SLC26A11: variants seen among roughly 807,000 people sequenced by gnomAD.
SLC26A11 encodes the protein sodium-independent sulfate anion transporter.
Under a neutral mutation model 62.2 loss-of-function variants are expected in SLC26A11, and 58 were observed. That is an observed-to-expected ratio of 0.93 (90% confidence interval 0.76 to 1.16). The LOEUF (loss-of-function observed/expected upper bound fraction) is 1.16, where lower values mean the gene tolerates loss of function less well. SLC26A11 is among the 50% of genes most tolerant of loss of function. The probability of loss-of-function intolerance (pLI) is 0.00; values close to 1 mark genes in which losing one functional copy is unlikely to be tolerated. For synonymous variants in SLC26A11, 411 were observed against 368.9 expected, an observed-to-expected ratio of 1.11 and a Z score of -1.31; for missense variants, 790 against 794.3, an observed-to-expected ratio of 0.99 and a Z score of 0.06.
chr17:80,251,973 C>T (rs1247490241), intron 17 of SLC26A11, among the ~76,000 whole-genome samples: 1 of 152,016 alleles, frequency 6.6e-6, no homozygotes, highest in African/African-American at 2.4e-5. Context: ...TCCTTCCAGC[C>T]GAAAGTCCAC....
At position 80,222,559 on chromosome 17, in the gene SLC26A11, G is replaced by C; in HGVS notation, c.235-96G>C. ...CACCTTTAACCTGGGCCTGGACACA[G>C]CTGACACCCACACATCCCGAGCTTG... On this transcript the variant is annotated intron_variant, in intron 3 of 17. Transcript: ENST00000361193. The surrounding 1 kb of genome is among the most constrained non-coding windows in gnomAD (Gnocchi z 4.7). 1 of 1,312,706 alleles carries C rather than the reference G, an allele frequency of 7.6e-7. No individual in the cohort carries two copies. The highest frequency in any genetic ancestry group is 1.1e-6 in the Non-Finnish European group (1 of 930,304). The allele number at this position is 1,312,706 out of a possible 1,614,324, so 81.3% of individuals were successfully genotyped here.
chr17:80,248,677 G>T lies in SLC26A11; in HGVS notation c.1522+3G>T. On this transcript the variant is annotated splice_donor_region_variant and intron_variant, in intron 15 of 17. Coordinates refer to ENST00000361193, the MANE Select transcript of SLC26A11 (RefSeq NM_001166347.2). Reference sequence around the variant, plus strand: ...GATCCTAAGCCGGGCCCTGGAAGGTGCATGGGCGGGGGTCAAGGTGGTCTG... The same window carrying T: ...GATCCTAAGCCGGGCCCTGGAAGGTTCATGGGCGGGGGTCAAGGTGGTCTG... The T allele has an allele frequency of 1.9e-6, 3 of 1,564,078 alleles. No homozygotes were observed. Among genetic ancestry groups the T allele is most frequent in the Non-Finnish European group, 1.7e-6 (2 of 1,154,118 alleles).
Position 80,248,117 on chromosome 17 carries a change from G to A in SLC26A11, c.1295-13G>A, listed in dbSNP as rs1567967547. ...CAGCTGCCGGGCATTCCTCAGCTGTGCCCTTCTCCTAGGGCTGGACCTGCT... is the reference window on the plus strand; with the variant it reads ...CAGCTGCCGGGCATTCCTCAGCTGTACCCTTCTCCTAGGGCTGGACCTGCT... On this transcript the variant is annotated splice_polypyrimidine_tract_variant and intron_variant, in intron 13 of 17. Coordinates refer to ENST00000361193, the MANE Select transcript of SLC26A11 (RefSeq NM_001166347.2). 5.0e-6 allele frequency: 8 copies of A among 1,597,848 alleles called. No individual in the cohort carries two copies. The highest frequency in any genetic ancestry group is 3.3e-5 in the South Asian group (3 of 90,454).
In SLC26A11 at chr17:80,221,598, C is replaced by T. The variant is rs561639116; in HGVS notation, c.38C>T (p.Ser13Phe). The change falls in exon 3 of 18, where the codon TCC becomes TTC. Residue 13 changes from serine to phenylalanine, a missense_variant. Coordinates refer to ENST00000361193, the MANE Select transcript of SLC26A11 (RefSeq NM_001166347.2). ...GTGACGGCGCTGGGTCAGGCCAGGT[C>T]CTCTGGCCCCGGGATGGCCCCGAGC... ...SSVTALGQAR[S>F]SGPGMAPSAC... 5 of 1,606,116 alleles carry T rather than the reference C, an allele frequency of 3.1e-6. No individual in the cohort carries two copies. The East Asian group carries it at 6.7e-5, about 21-fold the overall frequency.
chr17:80,247,081 AT>A (rs1213831105), intron 13 of SLC26A11, among the ~76,000 whole-genome samples: 61 of 144,114 alleles, frequency 4.2e-4, no homozygotes, highest in South Asian at 2.2e-3. Context: ...TATTATTTTT[AT>A]TTTTTTTTAT....
chr17:80,224,268 T>A (rs1389777552), intron 5 of SLC26A11, among the ~76,000 whole-genome samples: 2 of 128,546 alleles, frequency 1.6e-5, no homozygotes, highest in African/African-American at 2.8e-5. Context: ...TGTGTGCGTG[T>A]GTGAGTGAGT....
intron 13 of SLC26A11, among the ~76,000 whole-genome samples, chr17:80,247,033 C>A (rs1489473687): frequency 2.0e-5 from 3 of 151,966 alleles, no homozygotes; most frequent in Non-Finnish European, 4.4e-5. Context: ...CAGCCTTGCA[C>A]CCTGGCTCAG....
intron 10 of SLC26A11, among the ~76,000 whole-genome samples, chr17:80,244,387 G>A (rs2042941402): frequency 6.6e-6 from 1 of 152,228 alleles, no homozygotes; most frequent in East Asian, 1.9e-4. Context: ...ACTGGGTGGA[G>A]AACGGTGGGC....
At chr17:80,230,315 G>A (rs554217409) in intron 7 of SLC26A11, among the ~76,000 whole-genome samples, 16 of 152,102 alleles carry the variant, frequency 1.1e-4, no homozygotes, top group Non-Finnish European at 1.5e-4. Context: ...GGGAGACAGC[G>A]AAAGGCTCAG....
chr17:80,248,052 G>A lies in SLC26A11; in HGVS notation c.1295-78G>A. On this transcript the variant is annotated intron_variant, in intron 13 of 17. Coordinates refer to ENST00000361193, the MANE Select transcript of SLC26A11 (RefSeq NM_001166347.2). Reference sequence around the variant, plus strand: ...TTTACTCATATGTGGGGGGCAGAAAGCTGTCCCGCTGGTCAGCAGGGCCAT... The same window carrying A: ...TTTACTCATATGTGGGGGGCAGAAAACTGTCCCGCTGGTCAGCAGGGCCAT... 5.5e-6 allele frequency: 8 copies of A among 1,463,342 alleles called. No individual in the cohort carries two copies. In the South Asian group the frequency reaches 9.7e-5, roughly 18 times the overall value. The allele number at this position is 1,463,342 out of a possible 1,614,324, so 90.6% of individuals were successfully genotyped here.
intron 11 of SLC26A11, among the ~76,000 whole-genome samples, chr17:80,245,828 C>T (rs1243138307): frequency 2.0e-5 from 3 of 152,194 alleles, no homozygotes; most frequent in Non-Finnish European, 2.9e-5. Flanking sequence ...AAGGAGGCGT[C>T]ACCTGGCACT....
At chr17:80,225,682 G>A in intron 5 of SLC26A11, 155 bp from the exon 6 acceptor site, 1 of 667,654 alleles carries the variant, frequency 1.5e-6, no homozygotes, top group Non-Finnish European at 2.6e-6. Context: ...TGGGCAGGTG[G>A]ACCCCTGAGC....
chr17:80,222,508 A>T lies in SLC26A11; in HGVS notation c.235-147A>T. 1.3e-6 allele frequency: 1 copy of T among 780,450 alleles called. No individual in the cohort carries two copies. Among genetic ancestry groups the T allele is most frequent in the East Asian group, 2.6e-5 (1 of 37,972 alleles). 48.3% of individuals were successfully genotyped at this position (780,450 alleles called of 1,614,324 possible). A position where few individuals can be genotyped will look rare whatever the true frequency, so the allele number is the denominator to read the frequency against. On this transcript the variant is annotated intron_variant, in intron 3 of 17. Coordinates refer to ENST00000361193, the MANE Select transcript of SLC26A11 (RefSeq NM_001166347.2). This position sits in a 1 kb window ranked among gnomAD's most constrained non-coding sequence, Gnocchi z 4.7. ...AAAAAAGTGGCCTCCTGATCACTGC[A>T]GGTCCACCCACAGGGCAGGGCGGTG...
chr17:80,239,761 C>T (rs2042807754), intron 9 of SLC26A11, among the ~76,000 whole-genome samples: 3 of 152,140 alleles, frequency 2.0e-5, no homozygotes, highest in Admixed American at 1.3e-4. Flanking sequence ...CCTCCTGCCT[C>T]GGCTTTCAAA....
intron 10 of SLC26A11, 70 bp from the exon 11 acceptor site, chr17:80,245,126 C>A: frequency 6.8e-7 from 1 of 1,468,108 alleles, no homozygotes; most frequent in Non-Finnish European, 9.5e-7. Flanking sequence ...TTTTGTCCCC[C>A]TCCCCATCTC....
At chr17:80,225,789 C>T (rs766808452) in intron 5 of SLC26A11, 48 bp from the exon 6 acceptor site, 1 of 1,554,080 alleles carries the variant, frequency 6.4e-7, no homozygotes, top group South Asian at 1.1e-5. Context: ...GACAGATGGC[C>T]TTGGTTTGGG....
Position 80,227,819 on chromosome 17 carries a change from G to T in SLC26A11, c.595G>T (p.Val199Leu). 9.4e-6 allele frequency: 15 copies of T among 1,603,964 alleles called. No homozygotes were observed. Among genetic ancestry groups the T allele is most frequent in the Non-Finnish European group, 1.2e-5 (14 of 1,179,936 alleles). ...GACCAGTCCTCTGCCTGTCCACAGG[G>T]TAGGTGACGCCGTCCTGGGGCTGGT... Reference protein sequence around the residue: ...HTFLRIAETRVGDAVLGLVCM... With the variant: ...HTFLRIAETRLGDAVLGLVCM... Residue 199 changes from valine (V) to leucine (L), a missense_variant and splice_region_variant, in exon 7 of 18, where the codon GTA (valine) becomes TTA (leucine). Physicochemically the swap from Val to Leu is conservative, Grantham distance 32. Transcript: ENST00000361193.
chr17:80,246,660 G>T lies in SLC26A11; in HGVS notation c.1294+11G>T, dbSNP rs149490752. On this transcript the variant is annotated intron_variant, in intron 13 of 17. Transcript: ENST00000361193. The surrounding 1 kb of genome is among the most constrained non-coding windows in gnomAD (Gnocchi z 4.4). ...TCTGGCGTGTTAAGAGTACGTCCTT[G>T]TCCTACAGGGGAGAGCGCTGTGATG... The T allele has an allele frequency of 6.2e-7, 1 of 1,612,600 alleles. No homozygotes were observed.
In SLC26A11 at chr17:80,246,877, C is replaced by G. The variant is rs1359636139; in HGVS notation, c.1294+228C>G. ...TGTCCTGACACCTGGGGTCTTGAGG[C>G]GAGCACTGACCCGGGGGAGGGTCCC... On this transcript the variant is annotated intron_variant, in intron 13 of 17. Coordinates refer to ENST00000361193, the MANE Select transcript of SLC26A11 (RefSeq NM_001166347.2). The surrounding 1 kb of genome is among the most constrained non-coding windows in gnomAD (Gnocchi z 4.4). 6.6e-6 allele frequency among the ~76,000 whole-genome samples: 1 copy of G among 151,978 alleles called. No homozygotes were observed. Among genetic ancestry groups the G allele is most frequent in the Admixed American group, 6.5e-5 (1 of 15,272 alleles).
Sources: gnomAD v4.1 joint callset for allele counts (sites outside exome capture counted in the v4.1 genomes callset) on GRCh38, gnomAD v4.1.1 for gene constraint, Gnocchi (gnomAD v3.1) non-coding constraint, MANE v1.5 for transcripts, NCBI Gene and HGNC (gene_info 2026-07-23, HGNC 2026-07-21) for gene names.